NALF1: variants seen among roughly 807,000 people sequenced by gnomAD.
NALF1 encodes the protein NALCN channel auxiliary factor 1, also known as family with sequence similarity 155 member A.
In NALF1, 3 loss-of-function variants were observed where a neutral mutation model predicts 48.4. The observed-to-expected ratio is 0.06, with a 90% confidence interval of 0.03 to 0.16. The LOEUF is 0.16. NALF1 is among the 10% of genes least tolerant of loss of function. The pLI is 1.00. For missense variants in NALF1, 526 were observed against 571.5 expected (o/e 0.92, Z 0.81); for synonymous variants, 262 against 245.7 (o/e 1.07, Z -0.62).
chr13:107,352,674 C>G (rs186490821), intron 1 of NALF1, among the ~76,000 whole-genome samples: 1 of 152,154 alleles, frequency 6.6e-6, no homozygotes. Context: ...CAAAGCCCCA[C>G]GTTCTAATGC....
intron 1 of NALF1, among the ~76,000 whole-genome samples, chr13:107,831,327 A>T (rs1879721540): frequency 6.6e-6 from 1 of 152,174 alleles, no homozygotes; most frequent in Admixed American, 6.5e-5. Context: ...GAAATCAATA[A>T]GATTAAAACT....
intron 1 of NALF1, among the ~76,000 whole-genome samples, chr13:107,768,038 T>C (rs971995241): frequency 7.2e-5 from 11 of 152,092 alleles, no homozygotes; most frequent in East Asian, 3.9e-4. Flanking sequence ...TGGGTTTAGA[T>C]TGATGTGAAT....
chr13:107,686,121 G>A (rs978077403), intron 1 of NALF1, among the ~76,000 whole-genome samples: 1 of 152,304 alleles, frequency 6.6e-6, no homozygotes, highest in Non-Finnish European at 1.5e-5. Flanking sequence ...AGGGTTGAAT[G>A]AGGACCACAG....
intron 2 of NALF1, among the ~76,000 whole-genome samples, chr13:107,198,942 C>T (rs1419457454): frequency 6.6e-6 from 1 of 152,200 alleles, no homozygotes; most frequent in Non-Finnish European, 1.5e-5. Flanking sequence ...CCTGTTGAGG[C>T]CCTAACTCCC....
At chr13:107,793,095 T>A (rs1292611726) in intron 1 of NALF1, among the ~76,000 whole-genome samples, 1 of 152,218 alleles carries the variant, frequency 6.6e-6, no homozygotes, top group Non-Finnish European at 1.5e-5. Flanking sequence ...CAAAGTATCA[T>A]GTTTTTGGTA....
chr13:107,856,734 TG>T (rs1269199132), intron 1 of NALF1, among the ~76,000 whole-genome samples: 1 of 152,130 alleles, frequency 6.6e-6, no homozygotes, highest in East Asian at 1.9e-4. Flanking sequence ...CACTTCCGGG[TG>T]CCTCATCTTA....
At chr13:107,789,537 T>C (rs1878169513) in intron 1 of NALF1, among the ~76,000 whole-genome samples, 1 of 152,206 alleles carries the variant, frequency 6.6e-6, no homozygotes, top group Non-Finnish European at 1.5e-5. Flanking sequence ...ATATACAGGC[T>C]AGAAAGAGCA....
intron 1 of NALF1, among the ~76,000 whole-genome samples, chr13:107,555,258 A>ATTAT (rs1309366802): frequency 1.3e-5 from 2 of 149,432 alleles, no homozygotes; most frequent in African/African-American, 2.5e-5. Flanking sequence ...TGTTTGATTT[A>ATTAT]TTATTAATTA....
intron 1 of NALF1, among the ~76,000 whole-genome samples, chr13:107,432,648 G>A (rs1448843527): frequency 2.0e-5 from 3 of 152,132 alleles, no homozygotes; most frequent in Non-Finnish European, 2.9e-5. Flanking sequence ...CTGGATGTGA[G>A]GAAGGGGTGG....
chr13:107,297,866 A>G (rs1331169717), intron 1 of NALF1, among the ~76,000 whole-genome samples: 1 of 152,184 alleles, frequency 6.6e-6, no homozygotes, highest in African/African-American at 2.4e-5. Context: ...GAGTAAAATG[A>G]GAAAGAAGAC....
intron 1 of NALF1, among the ~76,000 whole-genome samples, chr13:107,480,829 A>G (rs1885243528): frequency 6.6e-6 from 1 of 152,212 alleles, no homozygotes; most frequent in Non-Finnish European, 1.5e-5. Flanking sequence ...GCTCGAACGA[A>G]GCAATAATAT....
rs1448199587 is a variant in NALF1, at chr13:107,169,207, C to T, written c.*1290G>A. On this transcript the variant is annotated 3_prime_UTR_variant, in exon 3 of 3. Transcript: ENST00000375915. ...AGTTTTTGCACGTTAATAAAAATGG[C>T]TGACCTATTTATTTTTTAAAAAAGA... is the stretch of plus-strand genomic sequence containing the variant. The T allele has an allele frequency of 6.6e-6, 1 of 152,346 alleles. No homozygotes were observed. The highest frequency in any genetic ancestry group is 2.4e-5 in the African/African-American group (1 of 41,432). 9.4% of individuals were successfully genotyped at this position (152,346 alleles called of 1,614,324 possible).
intron 1 of NALF1, among the ~76,000 whole-genome samples, chr13:107,586,806 C>T (rs9514705): frequency 0.17 from 25,876 of 150,258 alleles, 2,273 homozygotes; most frequent in Middle Eastern, 0.27. Flanking sequence ...CTAAGATTCA[C>T]GTACAGAGAA....
intron 1 of NALF1, among the ~76,000 whole-genome samples, chr13:107,398,577 GA>G (rs1883752629): frequency 1.3e-5 from 2 of 152,098 alleles, no homozygotes; most frequent in African/African-American, 4.8e-5. Context: ...GTTGGAAATT[GA>G]TTTTTTTCAT....
At position 107,778,292 on chromosome 13, in the gene NALF1, A is replaced by G. The variant is rs72657244; in HGVS notation, c.915+87390T>C. Among the ~76,000 whole-genome samples the G allele has an allele frequency of 0.038, 5,823 of 152,276 alleles. 564 individuals carry two copies. In the East Asian group the frequency reaches 0.43, roughly 11 times the overall value. ...TGTAAAGGAATGTATTTGGAGCATCATGCTTAAATCTGGTCACCATGTTTT... is the reference window on the plus strand; with the variant it reads ...TGTAAAGGAATGTATTTGGAGCATCGTGCTTAAATCTGGTCACCATGTTTT... On this transcript the variant is annotated intron_variant, in intron 1 of 2. Transcript: ENST00000375915.
chr13:107,412,752 T>C (rs1003850110), intron 1 of NALF1, among the ~76,000 whole-genome samples: 3 of 152,208 alleles, frequency 2.0e-5, no homozygotes, highest in African/African-American at 7.2e-5. Flanking sequence ...AATGCATATC[T>C]ACCCATTCAC....
chr13:107,421,833 G>A (rs1884194096), intron 1 of NALF1, among the ~76,000 whole-genome samples: 1 of 152,106 alleles, frequency 6.6e-6, no homozygotes, highest in Admixed American at 6.6e-5. Flanking sequence ...TTCCAGGATG[G>A]CATAAAAGGT....
At chr13:107,704,538 A>G (rs1881901251) in intron 1 of NALF1, among the ~76,000 whole-genome samples, 1 of 152,028 alleles carries the variant, frequency 6.6e-6, no homozygotes, top group Non-Finnish European at 1.5e-5. Context: ...GGCAGTTGAT[A>G]TTGGTACCTC....
chr13:107,720,587 T>G (rs1394240309), intron 1 of NALF1, among the ~76,000 whole-genome samples: 1 of 150,624 alleles, frequency 6.6e-6, no homozygotes, highest in Non-Finnish European at 1.5e-5. Flanking sequence ...CAGTAACATG[T>G]GCAGAATTAA....
Sources: gnomAD v4.1 joint callset for allele counts (sites outside exome capture counted in the v4.1 genomes callset) on GRCh38, gnomAD v4.1.1 for gene constraint, MANE v1.5 for transcripts, NCBI Gene and HGNC (gene_info 2026-07-23, HGNC 2026-07-21) for gene names.